Variants in MLLT10 observed in about 807,000 individuals in gnomAD.
MLLT10 encodes the protein MLLT10 histone lysine methyltransferase DOT1L cofactor.
A neutral mutation model predicts 129.1 loss-of-function variants in MLLT10; 30 were observed. The observed-to-expected ratio is 0.23, with a 90% confidence interval of 0.17 to 0.32. The LOEUF (loss-of-function observed/expected upper bound fraction) is 0.32, where lower values mean the gene tolerates loss of function less well. MLLT10 is among the 10% of genes least tolerant of loss of function. The pLI is 1.00. For missense variants in MLLT10, 1,119 were observed against 1,268.3 expected (o/e 0.88, Z 1.79); for synonymous variants, 490 against 446.4 (o/e 1.10, Z -1.23).
At position 21,607,318 on chromosome 10, in the gene MLLT10, CT is replaced by C. The variant is rs34563495; in HGVS notation, c.406-5011del. On this transcript the variant is annotated intron_variant, in intron 5 of 22. Transcript: ENST00000307729. ...AACTTATTGTTTTATGTACTCTATG[CT>C]TTTTTTTTTTTTTTTTTTGAGATGG... 8.8e-3 allele frequency among the ~76,000 whole-genome samples: 1,087 copies of C among 124,030 alleles called. 4 individuals are homozygous for C. Among genetic ancestry groups the C allele is most frequent in the African/African-American group, 0.015 (469 of 31,672 alleles). 81.4% of individuals were successfully genotyped at this position (124,030 alleles called of 152,430 possible).
chr10:21,542,570 A>G (rs1258549556), intron 3 of MLLT10, among the ~76,000 whole-genome samples: 1 of 152,208 alleles, frequency 6.6e-6, no homozygotes, highest in Admixed American at 6.5e-5. Flanking sequence ...CTCTGTCTCA[A>G]AAAAATATAT....
At chr10:21,554,620 A>ATT (rs767874584) in intron 3 of MLLT10, among the ~76,000 whole-genome samples, 1 of 142,046 alleles carries the variant, frequency 7.0e-6, no homozygotes, top group African/African-American at 2.6e-5. Context: ...CGCCCGGCTA[A>ATT]TTTTTTTTTT....
intron 8 of MLLT10, among the ~76,000 whole-genome samples, chr10:21,637,056 A>G (rs964264738): frequency 2.6e-5 from 4 of 152,188 alleles, no homozygotes; most frequent in Non-Finnish European, 5.9e-5. Flanking sequence ...CTCCTTTTCA[A>G]AAAGGATGCA....
chr10:21,593,364 C>T (rs574603343), intron 4 of MLLT10, among the ~76,000 whole-genome samples: 13 of 152,114 alleles, frequency 8.5e-5, no homozygotes, highest in Admixed American at 3.3e-4. Flanking sequence ...GCTGGGCTTA[C>T]GGGTGTGAGC....
intron 13 of MLLT10, among the ~76,000 whole-genome samples, chr10:21,710,927 C>G (rs2056021611): frequency 6.6e-6 from 1 of 152,166 alleles, no homozygotes; most frequent in Non-Finnish European, 1.5e-5. Context: ...AATGGTATCA[C>G]TACATGTACT....
At position 21,743,111 on chromosome 10, in the gene MLLT10, G is replaced by A. The variant is rs1439460613; in HGVS notation, c.*1128G>A. ...CACTTTGGGGAGCCACGCTTTTGAT[G>A]TGACAGTACCGCAGAGTGATTCCCC... is the stretch of plus-strand genomic sequence containing the variant. On this transcript the variant is annotated 3_prime_UTR_variant, in exon 23 of 23. Transcript: ENST00000307729. 4.3e-6 allele frequency: 1 copy of A among 230,628 alleles called. No homozygotes were observed. Among genetic ancestry groups the A allele is most frequent in the Admixed American group, 5.7e-5 (1 of 17,670 alleles). 14.3% of individuals were successfully genotyped at this position (230,628 alleles called of 1,614,324 possible). A position where few individuals can be genotyped will look rare whatever the true frequency, so the allele number is the denominator to read the frequency against.
chr10:21,566,963 A>T (rs2039653445), intron 3 of MLLT10, among the ~76,000 whole-genome samples: 1 of 151,828 alleles, frequency 6.6e-6, no homozygotes, highest in Non-Finnish European at 1.5e-5. Context: ...ACAGGCATGC[A>T]CCACCACACC....
At chr10:21,577,375 T>C (rs1397878685) in intron 3 of MLLT10, among the ~76,000 whole-genome samples, 1 of 152,192 alleles carries the variant, frequency 6.6e-6, no homozygotes, top group Non-Finnish European at 1.5e-5. Context: ...GGGCGTAGGA[T>C]TTTTGTTTCA....
At chr10:21,642,144 A>G (rs964719845) in intron 8 of MLLT10, among the ~76,000 whole-genome samples, 27 of 152,032 alleles carry the variant, frequency 1.8e-4, no homozygotes, top group African/African-American at 6.5e-4. Context: ...TGAGGCCAGG[A>G]GTTCGAGACC....
intron 3 of MLLT10, among the ~76,000 whole-genome samples, chr10:21,543,191 G>A (rs534909953): frequency 6.6e-6 from 1 of 152,160 alleles, no homozygotes; most frequent in Admixed American, 6.5e-5. Flanking sequence ...CACAATCTTG[G>A]CTCACCACAA....
intron 21 of MLLT10, 79 bp from the exon 22 acceptor site, chr10:21,739,951 A>G: frequency 8.8e-7 from 1 of 1,130,378 alleles, no homozygotes; most frequent in Non-Finnish European, 1.3e-6. Flanking sequence ...ATTAAAGGAA[A>G]GAAAACATAA....
intron 8 of MLLT10, among the ~76,000 whole-genome samples, chr10:21,631,170 C>T (rs1303212837): frequency 6.6e-6 from 1 of 151,800 alleles, no homozygotes; most frequent in Non-Finnish European, 1.5e-5. Flanking sequence ...AAAAATTAGT[C>T]GGGCATGGTG....
At chr10:21,680,180 T>C (rs192189030) in intron 11 of MLLT10, among the ~76,000 whole-genome samples, 1 of 152,202 alleles carries the variant, frequency 6.6e-6, no homozygotes, top group East Asian at 1.9e-4. Flanking sequence ...TAATAATGTC[T>C]TATTCATTTG....
intron 11 of MLLT10, among the ~76,000 whole-genome samples, chr10:21,674,859 A>G (rs1387099381): frequency 6.6e-6 from 1 of 152,196 alleles, no homozygotes; most frequent in Non-Finnish European, 1.5e-5. Flanking sequence ...TAGGTAGGAA[A>G]TGGTATGGAA....
intron 5 of MLLT10, among the ~76,000 whole-genome samples, chr10:21,604,318 G>A (rs2043849405): frequency 6.6e-6 from 1 of 152,066 alleles, no homozygotes; most frequent in African/African-American, 2.4e-5. Flanking sequence ...ATCTCTGCTG[G>A]GCATCTCTGG....
At chr10:21,609,135 T>C (rs2044350962) in intron 5 of MLLT10, among the ~76,000 whole-genome samples, 1 of 152,138 alleles carries the variant, frequency 6.6e-6, no homozygotes, top group Non-Finnish European at 1.5e-5. Flanking sequence ...CCTCCACCAG[T>C]TCCCCATTTT....
Position 21,689,620 on chromosome 10 carries a change from C to T in MLLT10, c.1699+7363C>T, listed in dbSNP as rs1767550. Among the ~76,000 whole-genome samples the T allele has an allele frequency of 0.012, 1,346 of 116,638 alleles. 45 individuals are homozygous for T. The East Asian group carries it at 0.15, about 13-fold the overall frequency. The allele number at this position is 116,638 out of a possible 152,430, so 76.5% of individuals were successfully genotyped here. On this transcript the variant is annotated intron_variant, in intron 13 of 22. Transcript: ENST00000307729. ...TGTGTTTTATATATATATATATATA[C>T]ACACACACACACACACACATTTATA...
At chr10:21,625,781 T>G in intron 8 of MLLT10, 1 of 768,246 alleles carries the variant, frequency 1.3e-6, no homozygotes. Context: ...TTTCACAGCT[T>G]CCTGTGCAGC....
intron 3 of MLLT10, among the ~76,000 whole-genome samples, chr10:21,547,868 T>TA (rs1378352620): frequency 2.6e-5 from 4 of 152,140 alleles, no homozygotes; most frequent in East Asian, 1.9e-4. Context: ...TCGTGTGTTT[T>TA]AAAAAAATAG....
Sources: allele counts gnomAD v4.1 joint callset (sites outside exome capture counted in the v4.1 genomes callset), GRCh38; gene constraint gnomAD v4.1.1; transcripts MANE v1.5; gene names NCBI Gene and HGNC (gene_info 2026-07-23, HGNC 2026-07-21).